MSRB3: variants seen among roughly 807,000 people sequenced by gnomAD.
MSRB3 encodes methionine sulfoxide reductase B3.
A neutral mutation model predicts 21.0 loss-of-function variants in MSRB3; 13 were observed. That is an observed-to-expected ratio of 0.62 (90% CI 0.40 to 0.98). The LOEUF (loss-of-function observed/expected upper bound fraction) is 0.98. Ranked by LOEUF, MSRB3 falls within the 50% of genes least tolerant of loss-of-function variation. The pLI, the probability that MSRB3 is intolerant of heterozygous loss-of-function variation, is 0.00. For synonymous variants in MSRB3, 87 were observed against 88.6 expected, an observed-to-expected ratio of 0.98 and a Z score of 0.10; for missense variants, 199 against 230.3, an observed-to-expected ratio of 0.86 and a Z score of 0.88.
chr12:65,443,569 A>C (rs1882481223), intron 5 of MSRB3, among the ~76,000 whole-genome samples: 1 of 152,146 alleles, frequency 6.6e-6, no homozygotes, highest in Non-Finnish European at 1.5e-5. Flanking sequence ...AAATAAATTT[A>C]CTTCACTGAG....
chr12:65,306,798 C>T, intron 1 of MSRB3: 1 of 946,500 alleles, frequency 1.1e-6, no homozygotes, highest in Non-Finnish European at 1.3e-6. Flanking sequence ...CTGGAGGGCT[C>T]CCGGTATTTG....
chr12:65,405,772 T>C (rs1232917536), intron 5 of MSRB3, among the ~76,000 whole-genome samples: 1 of 152,146 alleles, frequency 6.6e-6, no homozygotes, highest in Non-Finnish European at 1.5e-5. Context: ...ATAATAGCCA[T>C]CCTAGCAGGT....
At chr12:65,419,262 C>T (rs1881148875) in intron 5 of MSRB3, 2 of 732,364 alleles carry the variant, frequency 2.7e-6, no homozygotes. Context: ...CATATTGGGC[C>T]CAGATGTCTG....
intron 5 of MSRB3, among the ~76,000 whole-genome samples, chr12:65,424,444 A>AGG (rs1464490292): frequency 6.6e-6 from 1 of 152,016 alleles, no homozygotes; most frequent in South Asian, 2.1e-4. Flanking sequence ...GGAGGCAGTT[A>AGG]TTGCTAAGAA....
Position 65,328,601 on chromosome 12 carries a change from T to C in MSRB3, c.261T>C (p.Phe87=). 6.2e-7 allele frequency: 1 copy of C among 1,605,488 alleles called. No individual in the cohort carries two copies. The highest frequency in any genetic ancestry group is 1.3e-5 in the African/African-American group (1 of 74,876). ...GTGTTGTTTGTGGAACTCCATTGTT[T>C]AAGTAAGTATGTTGAAAACCTATAG... ...YKCVVCGTPL[F]KSETKFDSGS... The change falls in exon 4 of 7, where the codon TTT becomes TTC. Residue 87 remains phenylalanine, a splice_region_variant and synonymous_variant. Coordinates refer to ENST00000308259, the MANE Select transcript of MSRB3 (RefSeq NM_001031679.3).
rs150198446 is a variant in MSRB3 at position 65,446,061 on chromosome 12, T to C, written c.293-7667T>C. Among the ~76,000 whole-genome samples, 607 of 152,366 alleles carry C rather than the reference T, an allele frequency of 4.0e-3. 11 individuals carry two copies. The highest frequency in any genetic ancestry group is 0.037 in the Admixed American group (559 of 15,306). ...TTCTTTTTGTCATGTTTACTCTTTGTCTGGACTGAACTAGTTTGCTTCTTG... is the reference window on the plus strand; with the variant it reads ...TTCTTTTTGTCATGTTTACTCTTTGCCTGGACTGAACTAGTTTGCTTCTTG... On this transcript the variant is annotated intron_variant, in intron 5 of 6. Coordinates refer to ENST00000308259, the MANE Select transcript of MSRB3 (RefSeq NM_001031679.3).
intron 3 of MSRB3, among the ~76,000 whole-genome samples, chr12:65,327,303 G>T (rs2136451783): frequency 6.6e-6 from 1 of 152,360 alleles, no homozygotes; most frequent in South Asian, 2.1e-4. Flanking sequence ...AATTTTGAAG[G>T]TGGCCATTGT....
chr12:65,281,088 G>A (rs556792588), intron 1 of MSRB3, among the ~76,000 whole-genome samples: 2 of 152,128 alleles, frequency 1.3e-5, no homozygotes, highest in African/African-American at 4.8e-5. Flanking sequence ...AATTAGCTGG[G>A]CATAGTGGCT....
At chr12:65,446,285 C>T (rs1263079844) in intron 5 of MSRB3, among the ~76,000 whole-genome samples, 4 of 152,216 alleles carry the variant, frequency 2.6e-5, no homozygotes, top group Non-Finnish European at 4.4e-5. Flanking sequence ...CCAATTCTAA[C>T]TCAGATGCCA....
intron 5 of MSRB3, chr12:65,418,791 G>A (rs897065708): frequency 2.1e-6 from 2 of 961,418 alleles, no homozygotes; most frequent in East Asian, 2.4e-5. Context: ...GGCGGGTGGT[G>A]GTCTTTTGGA....
chr12:65,280,393 A>G (rs1871939934), intron 1 of MSRB3, among the ~76,000 whole-genome samples: 1 of 152,216 alleles, frequency 6.6e-6, no homozygotes, highest in Non-Finnish European at 1.5e-5. Flanking sequence ...ACTGTGCTGG[A>G]TAGTGAAGAG....
chr12:65,322,936 C>T (rs1175315153), intron 2 of MSRB3, among the ~76,000 whole-genome samples: 1 of 152,154 alleles, frequency 6.6e-6, no homozygotes, highest in African/African-American at 2.4e-5. Flanking sequence ...TTTCTTCCTT[C>T]ATTTCCCACT....
At chr12:65,436,354 T>TA (rs1326030777) in intron 5 of MSRB3, among the ~76,000 whole-genome samples, 1 of 151,912 alleles carries the variant, frequency 6.6e-6, no homozygotes, top group Admixed American at 6.6e-5. Flanking sequence ...GATCCACCAT[T>TA]AAAGCTTGTT....
At chr12:65,283,151 C>T (rs1872139046) in intron 1 of MSRB3, among the ~76,000 whole-genome samples, 1 of 152,156 alleles carries the variant, frequency 6.6e-6, no homozygotes, top group Admixed American at 6.5e-5. Flanking sequence ...TCCTATTTCT[C>T]ACACATATCT....
chr12:65,463,142 T>C lies in MSRB3; in HGVS notation c.391-13T>C. 5.0e-6 allele frequency: 8 copies of C among 1,614,030 alleles called. No individual in the cohort carries two copies. The highest frequency in any genetic ancestry group is 5.9e-6 in the Non-Finnish European group (7 of 1,180,018). On this transcript the variant is annotated splice_polypyrimidine_tract_variant and intron_variant, in intron 6 of 6. Transcript: ENST00000308259. The stretch of plus-strand genomic sequence containing the variant: ...TACATGCTTTTCCCTGACGTTTTGT[T>C]CTTCTCTTTCAGTGTGGTGCTCACC...
At chr12:65,387,369 A>G (rs1300294903) in intron 5 of MSRB3, among the ~76,000 whole-genome samples, 1 of 151,922 alleles carries the variant, frequency 6.6e-6, no homozygotes, top group Non-Finnish European at 1.5e-5. Flanking sequence ...TGTTACTATT[A>G]TCTTTTTTCT....
chr12:65,449,527 C>G (rs1351512340), intron 5 of MSRB3, among the ~76,000 whole-genome samples: 1 of 152,124 alleles, frequency 6.6e-6, no homozygotes, highest in Non-Finnish European at 1.5e-5. Flanking sequence ...AGACCTGTAC[C>G]TCCAGCTTGT....
intron 5 of MSRB3, chr12:65,419,205 A>G: frequency 1.4e-6 from 1 of 710,890 alleles, no homozygotes; most frequent in Non-Finnish European, 2.6e-6. Flanking sequence ...TAATCTGCTG[A>G]GACCAGTATT....
At chr12:65,324,189 C>T (rs1874868611) in intron 2 of MSRB3, among the ~76,000 whole-genome samples, 2 of 152,118 alleles carry the variant, frequency 1.3e-5, no homozygotes, top group African/African-American at 4.8e-5. Context: ...GGAAGATGAC[C>T]TTTAAGTGCA....
Sources: allele counts gnomAD v4.1 joint callset (sites outside exome capture counted in the v4.1 genomes callset), GRCh38; gene constraint gnomAD v4.1.1; transcripts MANE v1.5; gene names NCBI Gene and HGNC (gene_info 2026-07-23, HGNC 2026-07-21).